The following TENT4A variants were observed in gnomAD, a reference collection of about 807,000 sequenced individuals.
TENT4A encodes the protein DNA polymerase kappa.
Under a neutral mutation model 72.8 loss-of-function variants are expected in TENT4A, and 7 were observed. The ratio of observed to expected loss-of-function variants is 0.10; its 90% CI spans 0.05 to 0.18. The LOEUF (loss-of-function observed/expected upper bound fraction) is 0.18. Ranked by LOEUF, TENT4A falls within the 10% of genes least tolerant of loss-of-function variation. The pLI is 1.00. For missense variants in TENT4A, 831 were observed against 1,017.7 expected, an observed-to-expected ratio of 0.82 and a Z score of 2.50; for synonymous variants, 456 against 434.3, an observed-to-expected ratio of 1.05 and a Z score of -0.62.
intron 3 of TENT4A, among the ~76,000 whole-genome samples, chr5:6,738,933 A>T (rs1221970649): frequency 6.6e-6 from 1 of 152,222 alleles, no homozygotes; most frequent in Non-Finnish European, 1.5e-5. Context: ...TTTTCCTCTC[A>T]CACTTAATTT....
chr5:6,733,946 T>C (rs762533741), intron 1 of TENT4A, among the ~76,000 whole-genome samples: 2 of 152,254 alleles, frequency 1.3e-5, no homozygotes, highest in Non-Finnish European at 2.9e-5. Context: ...GCGATTTAAA[T>C]GGTTTCTGCT....
rs1202135849 is a variant in TENT4A, at chr5:6,746,351, C to T, written c.1383C>T (p.Ala461=). Residue 461 remains alanine (A), a synonymous_variant, in exon 7 of 13, where the codon GCC becomes GCT. Transcript: ENST00000230859. ...IRIKEGGAYI[A]KEEIMKAMTS... ...TCAAAGAAGGAGGTGCCTATATCGC[C>T]AAAGAGGAGATCATGAAAGCCATGA... 1.2e-6 allele frequency: 2 copies of T among 1,614,050 alleles called. No individual in the cohort carries two copies. Among genetic ancestry groups the T allele is most frequent in the Non-Finnish European group, 1.7e-6 (2 of 1,180,052 alleles).
chr5:6,752,903 G>A lies in TENT4A; in HGVS notation c.2050G>A (p.Gly684Arg). 2.5e-6 allele frequency: 4 copies of A among 1,614,102 alleles called. No homozygotes were observed. The highest frequency in any genetic ancestry group is 2.5e-6 in the Non-Finnish European group (3 of 1,180,010). ...GTTTACTATACCTCCACCGACCCTAGGGGTTGCTCCTGTTCCTTGCAGACA... is the reference window on the plus strand; with the variant it reads ...GTTTACTATACCTCCACCGACCCTAAGGGTTGCTCCTGTTCCTTGCAGACA... Reference protein sequence around the residue: ...TRFTIPPPTLGVAPVPCRQAG... With the variant: ...TRFTIPPPTLRVAPVPCRQAG... The change falls in exon 12 of 13, where the codon GGG becomes AGG. Residue 684 changes from glycine to arginine, a missense_variant. Gly to Arg is a moderately radical substitution (Grantham distance 125). Transcript: ENST00000230859.
At position 6,713,513 on chromosome 5, in the gene TENT4A, G is replaced by T; in HGVS notation, c.-471G>T. On this transcript the variant is annotated 5_prime_UTR_variant, in exon 1 of 13. Coordinates refer to ENST00000230859, the MANE Select transcript of TENT4A (RefSeq NM_006999.6). ...CGCAGGAGCGCCGAGCCAGCGGCGCGAGCGTGACTGAGGGCTAGCCGCACG... is the reference window on the plus strand; with the variant it reads ...CGCAGGAGCGCCGAGCCAGCGGCGCTAGCGTGACTGAGGGCTAGCCGCACG... 1.3e-5 allele frequency: 2 copies of T among 148,422 alleles called. No homozygotes were observed. Among genetic ancestry groups the T allele is most frequent in the South Asian group, 3.8e-4 (2 of 5,200 alleles). 9.2% of individuals were successfully genotyped at this position (148,422 alleles called of 1,614,324 possible).
At chr5:6,746,959 G>T (rs1039976742) in intron 7 of TENT4A, among the ~76,000 whole-genome samples, 1 of 152,174 alleles carries the variant, frequency 6.6e-6, no homozygotes, top group Non-Finnish European at 1.5e-5. Flanking sequence ...TCTAAGGCTG[G>T]GCTAGAGGTT....
rs1004571375 is a variant in TENT4A at position 6,749,560 on chromosome 5, T to C, written c.1590T>C (p.Thr530=). The change falls in exon 9 of 13, where the codon ACT becomes ACC. Residue 530 remains threonine (T), a synonymous_variant. Coordinates refer to ENST00000230859, the MANE Select transcript of TENT4A (RefSeq NM_006999.6). ...RSYPNRDAES[T]LGRIIKVTQE... ...CTCCAACAATGTCCCTTTGCAGTACTTTAGGAAGAATCATCAAAGTAACTC... is the reference window on the plus strand; with the variant it reads ...CTCCAACAATGTCCCTTTGCAGTACCTTAGGAAGAATCATCAAAGTAACTC... 1 of 1,608,540 alleles carries C rather than the reference T, an allele frequency of 6.2e-7. No homozygotes were observed. The highest frequency in any genetic ancestry group is 1.3e-5 in the African/African-American group (1 of 74,802).
At chr5:6,727,062 A>G (rs1163437069) in intron 1 of TENT4A, among the ~76,000 whole-genome samples, 2 of 145,212 alleles carry the variant, frequency 1.4e-5, no homozygotes, top group African/African-American at 5.1e-5. Flanking sequence ...CTCTTGTTCC[A>G]CTCCTTGTCG....
chr5:6,721,604 G>A (rs1188897380), intron 1 of TENT4A, among the ~76,000 whole-genome samples: 1 of 152,208 alleles, frequency 6.6e-6, no homozygotes, highest in Non-Finnish European at 1.5e-5. Context: ...CCTGGACTCT[G>A]GTGGTGTGCA....
chr5:6,714,160 G>T lies in TENT4A; in HGVS notation c.177G>T (p.Arg59=). The change falls in exon 1 of 13, where the codon CGG becomes CGT. Residue 59 remains arginine, a synonymous_variant. Coordinates refer to ENST00000230859, the MANE Select transcript of TENT4A (RefSeq NM_006999.6). ...DTAAAAGAAG[R]GSGGLGPALP... ...CGGCCGCGGCGGGGGCGGCCGGGCGGGGCAGTGGCGGCCTGGGCCCCGCGC... is the reference window on the plus strand; with the variant it reads ...CGGCCGCGGCGGGGGCGGCCGGGCGTGGCAGTGGCGGCCTGGGCCCCGCGC... 1.4e-5 allele frequency: 14 copies of T among 974,380 alleles called. No individual in the cohort carries two copies. The highest frequency in any genetic ancestry group is 1.7e-5 in the Non-Finnish European group (14 of 825,228). The allele number at this position is 974,380 out of a possible 1,614,324, so 60.4% of individuals were successfully genotyped here.
chr5:6,734,878 AT>A (rs1334022138), intron 1 of TENT4A, among the ~76,000 whole-genome samples: 3 of 152,192 alleles, frequency 2.0e-5, no homozygotes, highest in Non-Finnish European at 4.4e-5. Flanking sequence ...ACAAAAACGG[AT>A]GCCATGTTAC....
intron 11 of TENT4A, among the ~76,000 whole-genome samples, chr5:6,752,161 T>G (rs1166647203): frequency 3.3e-5 from 5 of 152,248 alleles, no homozygotes; most frequent in Non-Finnish European, 5.9e-5. Flanking sequence ...GGTGTTTGTT[T>G]TAACCACCCA....
At chr5:6,732,001 T>C (rs1006148) in intron 1 of TENT4A, among the ~76,000 whole-genome samples, 28,745 of 152,278 alleles carry the variant, frequency 0.19, 2,942 homozygotes, top group Non-Finnish European at 0.23. Context: ...CTTTGCCTTT[T>C]TTGCCCTTTA....
intron 11 of TENT4A, among the ~76,000 whole-genome samples, chr5:6,752,494 C>T (rs1742459752): frequency 6.6e-6 from 1 of 152,258 alleles, no homozygotes; most frequent in Non-Finnish European, 1.5e-5. Flanking sequence ...CCAGCCGTCC[C>T]ACGGCCTCTC....
intron 1 of TENT4A, among the ~76,000 whole-genome samples, chr5:6,727,172 G>T (rs567661833): frequency 9.2e-5 from 14 of 152,216 alleles, no homozygotes; most frequent in African/African-American, 3.4e-4. Context: ...GTGATCTTCC[G>T]TGCTGGGCTC....
intron 1 of TENT4A, among the ~76,000 whole-genome samples, chr5:6,727,309 C>T (rs1740982342): frequency 6.6e-6 from 1 of 152,196 alleles, no homozygotes; most frequent in Admixed American, 6.5e-5. Context: ...GACCTTCTCC[C>T]CTTCCAGGCT....
At chr5:6,744,724 TTCTAGTCACAC>T (rs1161517366) in intron 6 of TENT4A, among the ~76,000 whole-genome samples, 1 of 152,236 alleles carries the variant, frequency 6.6e-6, no homozygotes, top group Non-Finnish European at 1.5e-5. Context: ...TTTCTTACAG[TTCTAGTCACAC>T]TGTCCTGTCT....
intron 1 of TENT4A, among the ~76,000 whole-genome samples, chr5:6,715,892 T>G (rs1214898133): frequency 6.6e-6 from 1 of 152,196 alleles, no homozygotes; most frequent in Non-Finnish European, 1.5e-5. Flanking sequence ...CAGACTCCTC[T>G]TCTCTCCCTC....
intron 11 of TENT4A, 125 bp downstream of exon 11, chr5:6,751,322 T>G: frequency 3.2e-6 from 3 of 949,520 alleles, no homozygotes; most frequent in Non-Finnish European, 4.9e-6. Context: ...TATTTGGCCA[T>G]TGGTGTGTTG....
At position 6,755,033 on chromosome 5, in the gene TENT4A, C is replaced by CG; in HGVS notation, c.*89dup. 1 of 1,220,332 alleles carries CG rather than the reference C, an allele frequency of 8.2e-7. No individual in the cohort carries two copies. Among genetic ancestry groups the CG allele is most frequent in the Non-Finnish European group, 1.1e-6 (1 of 907,238 alleles). The allele number at this position is 1,220,332 out of a possible 1,614,324, so 75.6% of individuals were successfully genotyped here. Reference sequence around the variant, plus strand: ...GGCAGGGGAACCGAGACCAGCACCCCGCACGTCAGCCGGGCTCGCGGCACG... The same window carrying CG: ...GGCAGGGGAACCGAGACCAGCACCCCGGCACGTCAGCCGGGCTCGCGGCACG... On this transcript the variant is annotated 3_prime_UTR_variant, in exon 13 of 13. Coordinates refer to ENST00000230859, the MANE Select transcript of TENT4A (RefSeq NM_006999.6).
Sources: allele counts gnomAD v4.1 joint callset (sites outside exome capture counted in the v4.1 genomes callset), GRCh38; gene constraint gnomAD v4.1.1; transcripts MANE v1.5; gene names NCBI Gene and HGNC (gene_info 2026-07-23, HGNC 2026-07-21).